The following SEC14L4 variants were observed in gnomAD, a reference collection of about 807,000 sequenced individuals.
SEC14L4 encodes the protein SEC14-like protein 4.
Under a neutral mutation model 55.1 loss-of-function variants are expected in SEC14L4, and 42 were observed. The observed-to-expected ratio is 0.76, with a 90% CI of 0.60 to 0.99. The LOEUF is 0.99. Ranked by LOEUF, SEC14L4 falls within the 50% of genes least tolerant of loss-of-function variation. The pLI is 0.00. For missense variants in SEC14L4, 445 were observed against 512.1 expected (o/e 0.87, Z 1.27); for synonymous variants, 206 against 206.8 (o/e 1.00, Z 0.03).
chr22:30,495,687 G>A, intron 3 of SEC14L4, 45 bp from the exon 4 acceptor site: 2 of 1,613,212 alleles, frequency 1.2e-6, no homozygotes, highest in Non-Finnish European at 1.7e-6. Flanking sequence ...AGGAACCTGG[G>A]GACACCAGGC....
intron 11 of SEC14L4, 181 bp from the exon 12 acceptor site, chr22:30,490,427 T>A: frequency 1.1e-6 from 1 of 941,990 alleles, no homozygotes; most frequent in Non-Finnish European, 1.6e-6. Flanking sequence ...AGGGCCAGCC[T>A]GTGCCCAGCC....
rs763186445 is a variant in SEC14L4, at chr22:30,492,471, C to T, written c.664+3G>A. The stretch of plus-strand genomic sequence containing the variant: ...GACACAACCAGGGGGCCACGTCGCT[C>T]ACCTCCCAGAATCACAATCTTCCTG... On this transcript the variant is annotated splice_donor_region_variant and intron_variant, in intron 8 of 11. Coordinates refer to ENST00000255858, the MANE Select transcript of SEC14L4 (RefSeq NM_174977.4). 1 of 1,613,106 alleles carries T rather than the reference C, an allele frequency of 6.2e-7. No individual in the cohort carries two copies. The highest frequency in any genetic ancestry group is 8.5e-7 in the Non-Finnish European group (1 of 1,179,076).
In SEC14L4 at chr22:30,501,843, G is replaced by A. The variant is rs1342013942; in HGVS notation, c.130+1834C>T. On this transcript the variant is annotated intron_variant, in intron 2 of 11. Transcript: ENST00000255858. The stretch of plus-strand genomic sequence containing the variant: ...TTTTTATATATATATACACACACAC[G>A]CACATATATATATATATATATATAT... 5.9e-3 allele frequency among the ~76,000 whole-genome samples: 270 copies of A among 45,388 alleles called. 1 individual carries two copies. The highest frequency in any genetic ancestry group is 0.018 in the African/African-American group (174 of 9,434). The allele number at this position is 45,388 out of a possible 152,430, so 29.8% of individuals were successfully genotyped here.
chr22:30,495,338 C>T lies in SEC14L4; in HGVS notation c.339G>A (p.Leu113=). ...GGATCATATCCTGCTTGGAGGCTGA[C>T]AGCAGGAGACCCTTGGGGTCGAGGG... The part of the protein sequence containing the change: ...IGSLDPKGLL[L]SASKQDMIRK... Residue 113 remains leucine (L), a synonymous_variant, in exon 5 of 12, where the codon CTG becomes CTA. Coordinates refer to ENST00000255858, the MANE Select transcript of SEC14L4 (RefSeq NM_174977.4). 2.5e-6 allele frequency: 4 copies of T among 1,614,014 alleles called. No homozygotes were observed. Among genetic ancestry groups the T allele is most frequent in the Non-Finnish European group, 3.4e-6 (4 of 1,179,950 alleles).
intron 7 of SEC14L4, among the ~76,000 whole-genome samples, chr22:30,493,596 A>AT (rs1361937302): frequency 6.6e-6 from 1 of 152,230 alleles, no homozygotes; most frequent in African/African-American, 2.4e-5. Flanking sequence ...CCACACTGAC[A>AT]TAAGTAAGTA....
At position 30,495,125 on chromosome 22, in the gene SEC14L4, G is replaced by T. The variant is rs891339397; in HGVS notation, c.423+129C>A. ...CACCTCACTTTTACGGGTGGGTAAG[G>T]GTGGGAGAAGCCCACATTCCACCAG... On this transcript the variant is annotated intron_variant, in intron 5 of 11. Transcript: ENST00000255858. The T allele has an allele frequency of 7.7e-6, 8 of 1,038,878 alleles. No individual in the cohort carries two copies. In the African/African-American group the frequency reaches 9.6e-5, roughly 12 times the overall value. 64.4% of individuals were successfully genotyped at this position (1,038,878 alleles called of 1,614,324 possible). A position where few individuals can be genotyped will look rare whatever the true frequency, so the allele number is the denominator to read the frequency against.
intron 11 of SEC14L4, 113 bp downstream of exon 11, chr22:30,491,460 G>A (rs1601841231): frequency 1.6e-6 from 2 of 1,268,286 alleles, no homozygotes; most frequent in East Asian, 2.4e-5. Context: ...CCCCAAAGCT[G>A]GCTCCCCTGG....
chr22:30,495,904 G>C, intron 3 of SEC14L4, 24 bp downstream of exon 3: 1 of 1,611,782 alleles, frequency 6.2e-7, no homozygotes, highest in Non-Finnish European at 8.5e-7. Context: ...GGAAGGCAGG[G>C]CAGTAGGGAT....
intron 7 of SEC14L4, 164 bp from the exon 8 acceptor site, chr22:30,492,721 C>A: frequency 1.6e-6 from 1 of 616,984 alleles, no homozygotes; most frequent in Non-Finnish European, 2.9e-6. Flanking sequence ...AGTCTTAGTG[C>A]AGTTAACTGG....
chr22:30,501,701 T>A (rs774406136), intron 2 of SEC14L4, among the ~76,000 whole-genome samples: 13 of 151,928 alleles, frequency 8.6e-5, no homozygotes, highest in Non-Finnish European at 1.6e-4. Flanking sequence ...AAATGTACCA[T>A]CATCATCATA....
chr22:30,489,758 G>T lies in SEC14L4; in HGVS notation c.*349C>A. On this transcript the variant is annotated 3_prime_UTR_variant, in exon 12 of 12. Coordinates refer to ENST00000255858, the MANE Select transcript of SEC14L4 (RefSeq NM_174977.4). ...ACACCCCCTGAAGCTGGAACACCAG[G>T]CATGGGTGAGTCCTGGGTGGCTGGA... 9.3e-7 allele frequency: 1 copy of T among 1,080,554 alleles called. No homozygotes were observed. The allele number at this position is 1,080,554 out of a possible 1,614,324, so 66.9% of individuals were successfully genotyped here. A position where few individuals can be genotyped will look rare whatever the true frequency, so the allele number is the denominator to read the frequency against.
At chr22:30,491,530 GA>G in intron 11 of SEC14L4, 42 bp downstream of exon 11, 1 of 1,610,014 alleles carries the variant, frequency 6.2e-7, no homozygotes. Flanking sequence ...GCAGAGGGGA[GA>G]CTGGCAGGGA....
At chr22:30,496,965 T>C (rs1372655906) in intron 2 of SEC14L4, among the ~76,000 whole-genome samples, 1 of 152,172 alleles carries the variant, frequency 6.6e-6, no homozygotes, top group Non-Finnish European at 1.5e-5. Flanking sequence ...TGAAACAATA[T>C]GCGGGGTCAG....
chr22:30,493,527 C>A (rs1217963948), intron 7 of SEC14L4, among the ~76,000 whole-genome samples: 1 of 152,170 alleles, frequency 6.6e-6, no homozygotes, highest in East Asian at 1.9e-4. Flanking sequence ...AGCCAGGGAC[C>A]ATTCCCGCTC....
chr22:30,503,519 T>A (rs1936396919), intron 2 of SEC14L4, among the ~76,000 whole-genome samples, 158 bp downstream of exon 2: 1 of 152,106 alleles, frequency 6.6e-6, no homozygotes, highest in Admixed American at 6.6e-5. Flanking sequence ...TGCCTCGGCC[T>A]CCCAAAGTGC....
At chr22:30,494,768 A>C (rs1601846560) in intron 6 of SEC14L4, 98 bp downstream of exon 6, 1 of 763,536 alleles carries the variant, frequency 1.3e-6, no homozygotes, top group Non-Finnish European at 2.3e-6. Flanking sequence ...AGGCATCCCC[A>C]CCCCTCTATC....
In SEC14L4 at chr22:30,505,581, G is replaced by A. The variant is rs1313156105; in HGVS notation, c.31C>T (p.Gln11Ter). Residue 11 changes from glutamine (Q) to a stop codon, truncating the protein, a stop_gained, in exon 1 of 12, where the codon CAG becomes TAG. Coordinates refer to ENST00000255858, the MANE Select transcript of SEC14L4 (RefSeq NM_174977.4). LOFTEE classifies it high-confidence loss of function. Reference sequence around the variant, plus strand: ...ACCCTGGCCAGCGCTTCCTGCTGCTGGGGGCTCAGGTCCCCGACTCGGCTG... The same window carrying A: ...ACCCTGGCCAGCGCTTCCTGCTGCTAGGGGCTCAGGTCCCCGACTCGGCTG... MSSRVGDLSP[Q>*]QQEALARFRE... 1.3e-6 allele frequency: 2 copies of A among 1,569,870 alleles called. No homozygotes were observed. Among genetic ancestry groups the A allele is most frequent in the Non-Finnish European group, 1.7e-6 (2 of 1,160,850 alleles).
Position 30,489,677 on chromosome 22 carries a change from G to T in SEC14L4, c.*430C>A. The T allele has an allele frequency of 1.6e-6, 1 of 637,242 alleles. No individual in the cohort carries two copies. Among genetic ancestry groups the T allele is most frequent in the Non-Finnish European group, 2.8e-6 (1 of 356,830 alleles). 39.5% of individuals were successfully genotyped at this position (637,242 alleles called of 1,614,324 possible). On this transcript the variant is annotated 3_prime_UTR_variant, in exon 12 of 12. Transcript: ENST00000255858. ...TGACCTCCTACATGCAGAGAACAGGGCTTCTCTGCTCTTCAGGCCTGAAGC... is the reference window on the plus strand; with the variant it reads ...TGACCTCCTACATGCAGAGAACAGGTCTTCTCTGCTCTTCAGGCCTGAAGC...
chr22:30,491,441 G>T, intron 11 of SEC14L4, 132 bp downstream of exon 11: 1 of 1,012,754 alleles, frequency 9.9e-7, no homozygotes. Context: ...CCACTCATCT[G>T]ATCCATGGCC....
Sources: gnomAD v4.1 joint callset for allele counts (sites outside exome capture counted in the v4.1 genomes callset) on GRCh38, gnomAD v4.1.1 for gene constraint, MANE v1.5 for transcripts, NCBI Gene and HGNC (gene_info 2026-07-23, HGNC 2026-07-21) for gene names.